The following TTLL11 variants were observed in gnomAD, a reference collection of about 807,000 sequenced individuals.
The protein encoded by TTLL11 is tubulin tyrosine ligase like 11, also known as tubulin polyglutamylase TTLL11.
In TTLL11, 42 loss-of-function variants were observed where a neutral mutation model predicts 51.7. The ratio of observed to expected loss-of-function variants is 0.81; its 90% confidence interval spans 0.64 to 1.05. The LOEUF (loss-of-function observed/expected upper bound fraction) is 1.05, where lower values mean the gene tolerates loss of function less well. TTLL11 is among the 50% of genes least tolerant of loss of function. The pLI, the probability that TTLL11 is intolerant of heterozygous loss-of-function variation, is 0.00. For missense variants in TTLL11, 799 were observed against 940.4 expected (o/e 0.85, Z 1.97); for synonymous variants, 381 against 383.5 (o/e 0.99, Z 0.08).
intron 6 of TTLL11, among the ~76,000 whole-genome samples, chr9:121,912,342 T>C (rs546116291): frequency 6.6e-6 from 1 of 152,162 alleles, no homozygotes. Context: ...TCCCCGAGGA[T>C]GCACAAGCAC....
intron 8 of TTLL11, among the ~76,000 whole-genome samples, chr9:121,845,995 G>A (rs1837505298): frequency 6.6e-6 from 1 of 152,022 alleles, no homozygotes; most frequent in Admixed American, 6.6e-5. Flanking sequence ...ATTAAAAAAC[G>A]AGACCCAACT....
intron 6 of TTLL11, among the ~76,000 whole-genome samples, chr9:121,879,317 C>T (rs1838686096): frequency 6.6e-6 from 1 of 152,174 alleles, no homozygotes; most frequent in Non-Finnish European, 1.5e-5. Context: ...TCCGCTCCTC[C>T]ACTGCTCCTT....
chr9:121,917,569 GAAA>G (rs1840381635), intron 6 of TTLL11, among the ~76,000 whole-genome samples: 1 of 129,250 alleles, frequency 7.7e-6, no homozygotes, highest in African/African-American at 2.9e-5. Context: ...AAGAAAGAAA[GAAA>G]GAAAGGAAGG....
intron 3 of TTLL11, among the ~76,000 whole-genome samples, chr9:121,992,469 C>T (rs538851940): frequency 6.6e-6 from 1 of 152,316 alleles, no homozygotes; most frequent in East Asian, 1.9e-4. Context: ...GAGATGAGAC[C>T]TGGGCATGTG....
intron 6 of TTLL11, among the ~76,000 whole-genome samples, chr9:121,886,507 C>T (rs1839015779): frequency 6.6e-6 from 1 of 152,136 alleles, no homozygotes; most frequent in South Asian, 2.1e-4. Flanking sequence ...CAAGAGCTAC[C>T]AAATGCTGGA....
chr9:121,863,851 G>A (rs766324589), intron 7 of TTLL11, among the ~76,000 whole-genome samples: 15 of 152,180 alleles, frequency 9.9e-5, no homozygotes, highest in Admixed American at 5.2e-4. Flanking sequence ...TCACACAGCC[G>A]GAATTCACAT....
intron 6 of TTLL11, among the ~76,000 whole-genome samples, chr9:121,967,728 AGAC>A (rs1208654585): frequency 2.0e-5 from 3 of 152,246 alleles, no homozygotes; most frequent in African/African-American, 7.2e-5. Flanking sequence ...GTTGAAAAAG[AGAC>A]GGCATCCACC....
At chr9:121,949,909 C>T (rs1841796466) in intron 6 of TTLL11, among the ~76,000 whole-genome samples, 1 of 152,062 alleles carries the variant, frequency 6.6e-6, no homozygotes, top group South Asian at 2.1e-4. Flanking sequence ...GGCAACATGT[C>T]TGGGTCTTCA....
chr9:122,058,464 T>C (rs931701047), intron 1 of TTLL11, among the ~76,000 whole-genome samples: 21 of 152,338 alleles, frequency 1.4e-4, no homozygotes, highest in Non-Finnish European at 3.1e-4. Flanking sequence ...ATAACGTTCA[T>C]GTCCACCTCA....
chr9:121,971,607 G>T (rs1588166050), intron 6 of TTLL11, among the ~76,000 whole-genome samples: 1 of 144,500 alleles, frequency 6.9e-6, no homozygotes, highest in East Asian at 2.0e-4. Flanking sequence ...GGATGACAAT[G>T]GCGGCTTTGT....
At chr9:121,987,569 C>T (rs1238514732) in intron 4 of TTLL11, among the ~76,000 whole-genome samples, 1 of 152,170 alleles carries the variant, frequency 6.6e-6, no homozygotes, top group African/African-American at 2.4e-5. Flanking sequence ...CTGCTGAAGA[C>T]AATTCTCACT....
chr9:121,914,101 C>T (rs1175833026), intron 6 of TTLL11, among the ~76,000 whole-genome samples: 1 of 152,246 alleles, frequency 6.6e-6, no homozygotes, highest in South Asian at 2.1e-4. Context: ...GATCCTAAGA[C>T]AGCCTGCTCT....
At chr9:121,971,021 G>C (rs907316149) in intron 6 of TTLL11, among the ~76,000 whole-genome samples, 1 of 146,286 alleles carries the variant, frequency 6.8e-6, no homozygotes, top group Non-Finnish European at 1.5e-5. Context: ...AGGGAGGTGG[G>C]GGGGTCAGCC....
At position 121,915,064 on chromosome 9, in the gene TTLL11, A is replaced by G. The variant is rs193108095; in HGVS notation, c.1482-44316T>C. On this transcript the variant is annotated intron_variant, in intron 6 of 8. Transcript: ENST00000321582. ...TCTGCCTCCTGTTGCTCTTTCTGTGACGGAAACCTCTCTCCTCACAGAACA... is the reference window on the plus strand; with the variant it reads ...TCTGCCTCCTGTTGCTCTTTCTGTGGCGGAAACCTCTCTCCTCACAGAACA... 2.6e-5 allele frequency among the ~76,000 whole-genome samples: 4 copies of G among 152,260 alleles called. No homozygotes were observed. The East Asian group carries it at 7.7e-4, about 29-fold the overall frequency.
At chr9:122,015,312 AACAGTATAAT>A (rs1175849362) in intron 3 of TTLL11, among the ~76,000 whole-genome samples, 3 of 152,226 alleles carry the variant, frequency 2.0e-5, no homozygotes, top group South Asian at 2.1e-4. Flanking sequence ...GGGGCACAAG[AACAGTATAAT>A]ACATCCAAGC....
chr9:121,997,234 T>C (rs1843302289), intron 3 of TTLL11, among the ~76,000 whole-genome samples: 1 of 6,692 alleles, frequency 1.5e-4, no homozygotes, highest in Admixed American at 4.1e-3. Context: ...ACCTGTTTGA[T>C]AGGAAGGGCC....
chr9:121,855,784 G>A (rs1837798159), intron 8 of TTLL11, among the ~76,000 whole-genome samples: 3 of 152,224 alleles, frequency 2.0e-5, no homozygotes, highest in Admixed American at 2.0e-4. Flanking sequence ...ACTGGGCACT[G>A]GGCGAGATGC....
At chr9:121,998,236 G>A (rs1179131571) in intron 3 of TTLL11, among the ~76,000 whole-genome samples, 1 of 151,994 alleles carries the variant, frequency 6.6e-6, no homozygotes, top group Non-Finnish European at 1.5e-5. Context: ...TTGCAGTCCT[G>A]CCATAATTTA....
chr9:121,972,134 G>GAA (rs71371905), intron 6 of TTLL11, among the ~76,000 whole-genome samples: 2 of 115,750 alleles, frequency 1.7e-5, no homozygotes, highest in South Asian at 2.8e-4. Flanking sequence ...GTATGAAAAA[G>GAA]AAAAAAAAAA....
Sources: gnomAD v4.1 joint callset for allele counts (sites outside exome capture counted in the v4.1 genomes callset) on GRCh38, gnomAD v4.1.1 for gene constraint, MANE v1.5 for transcripts, NCBI Gene and HGNC (gene_info 2026-07-23, HGNC 2026-07-21) for gene names.